XPR1: variants seen among roughly 807,000 people sequenced by gnomAD.
XPR1 encodes the protein xenotropic and polytropic retrovirus receptor 1.
In XPR1, 28 loss-of-function variants were observed where a neutral mutation model predicts 87.5. The ratio of observed to expected loss-of-function variants is 0.32; its 90% CI spans 0.24 to 0.44. XPR1 has a LOEUF of 0.44. Among genes scored for constraint, XPR1 ranks in the 20% least tolerant of loss-of-function variants. XPR1 has a pLI of 1.00. For synonymous variants in XPR1, 300 were observed against 306.1 expected, an observed-to-expected ratio of 0.98 and a Z score of 0.21; for missense variants, 559 against 862.3, an observed-to-expected ratio of 0.65 and a Z score of 4.41.
intron 2 of XPR1, among the ~76,000 whole-genome samples, chr1:180,712,699 G>A (rs1244534914): frequency 6.6e-6 from 1 of 151,910 alleles, no homozygotes; most frequent in Admixed American, 6.6e-5. Flanking sequence ...CCAGGTACTC[G>A]GGAGGCTGAG....
chr1:180,744,799 TACC>T (rs1441495131), intron 2 of XPR1, among the ~76,000 whole-genome samples: 1 of 151,846 alleles, frequency 6.6e-6, no homozygotes, highest in Non-Finnish European at 1.5e-5. Flanking sequence ...TACAGGCACA[TACC>T]ACCACACCTG....
chr1:180,656,702 T>C (rs1655545035), intron 1 of XPR1, among the ~76,000 whole-genome samples: 1 of 130,510 alleles, frequency 7.7e-6, no homozygotes, highest in African/African-American at 2.8e-5. Context: ...ATGTATTTTA[T>C]ATATATATAT....
intron 2 of XPR1, among the ~76,000 whole-genome samples, chr1:180,743,013 T>G (rs1658969201): frequency 6.6e-6 from 1 of 152,082 alleles, no homozygotes; most frequent in African/African-American, 2.4e-5. Flanking sequence ...TCACTTTATA[T>G]TATGTTTGAA....
intron 3 of XPR1, among the ~76,000 whole-genome samples, chr1:180,801,954 G>A (rs1022947525): frequency 2.0e-5 from 3 of 151,698 alleles, no homozygotes; most frequent in South Asian, 4.2e-4. Context: ...GCACCACCAC[G>A]CCCGGCTAAT....
At chr1:180,632,298 AC>A in intron 1 of XPR1, 28 bp downstream of exon 1, 2 of 1,602,618 alleles carry the variant, frequency 1.2e-6, no homozygotes, top group Non-Finnish European at 1.7e-6. Flanking sequence ...GTGTGGGAGG[AC>A]TCGGAGGGGC....
At chr1:180,745,294 G>A (rs969282575) in intron 2 of XPR1, among the ~76,000 whole-genome samples, 1 of 152,078 alleles carries the variant, frequency 6.6e-6, no homozygotes, top group Non-Finnish European at 1.5e-5. Context: ...GACTTTGCTT[G>A]TATCCAAAGC....
chr1:180,841,585 T>C (rs1651518004), intron 11 of XPR1, among the ~76,000 whole-genome samples: 1 of 152,176 alleles, frequency 6.6e-6, no homozygotes, highest in Non-Finnish European at 1.5e-5. Flanking sequence ...TTTACAGCCT[T>C]TTAAAGAGAA....
chr1:180,805,485 A>G (rs1218648957), intron 4 of XPR1, among the ~76,000 whole-genome samples: 1 of 152,184 alleles, frequency 6.6e-6, no homozygotes, highest in Non-Finnish European at 1.5e-5. Flanking sequence ...CCTCCTTTCT[A>G]CTTACTCTTC....
At chr1:180,663,843 G>A (rs1036446909) in intron 1 of XPR1, among the ~76,000 whole-genome samples, 1 of 152,228 alleles carries the variant, frequency 6.6e-6, no homozygotes, top group South Asian at 2.1e-4. Flanking sequence ...GGCTGAGCAG[G>A]CGCTGAAACC....
At chr1:180,808,710 G>A (rs1050909526) in intron 6 of XPR1, among the ~76,000 whole-genome samples, 3 of 152,040 alleles carry the variant, frequency 2.0e-5, no homozygotes, top group Non-Finnish European at 1.5e-5. Flanking sequence ...AATATCATTA[G>A]GCATTATGGA....
chr1:180,742,232 CTTAGA>C, intron 2 of XPR1, among the ~76,000 whole-genome samples: 1 of 151,892 alleles, frequency 6.6e-6, no homozygotes, highest in Non-Finnish European at 1.5e-5. Context: ...AAAGTGGAAG[CTTAGA>C]TTAGTGATTT....
intron 1 of XPR1, among the ~76,000 whole-genome samples, chr1:180,649,082 A>G (rs1334314447): frequency 6.6e-6 from 1 of 152,132 alleles, no homozygotes; most frequent in Non-Finnish European, 1.5e-5. Context: ...CTAATCCCCA[A>G]GAGCATTTTC....
chr1:180,876,893 G>T (rs1337752653), intron 13 of XPR1, among the ~76,000 whole-genome samples: 1 of 151,798 alleles, frequency 6.6e-6, no homozygotes, highest in Admixed American at 6.6e-5. Flanking sequence ...AGCGCAATGA[G>T]GAAAAAGAAC....
At chr1:180,715,335 T>C (rs749535156) in intron 2 of XPR1, among the ~76,000 whole-genome samples, 5 of 152,050 alleles carry the variant, frequency 3.3e-5, no homozygotes, top group African/African-American at 7.2e-5. Context: ...TTGGCCAGAG[T>C]AGGCAAATTT....
At chr1:180,764,534 A>G (rs941114646) in intron 2 of XPR1, among the ~76,000 whole-genome samples, 1 of 151,872 alleles carries the variant, frequency 6.6e-6, no homozygotes, top group Non-Finnish European at 1.5e-5. Context: ...CAGTAGTGCG[A>G]TCATGGCTCA....
intron 2 of XPR1, among the ~76,000 whole-genome samples, chr1:180,731,397 A>T (rs758145053): frequency 7.9e-5 from 12 of 152,216 alleles, no homozygotes; most frequent in Non-Finnish European, 1.5e-4. Context: ...CAAGGGGTTT[A>T]TATAGCAGGG....
At chr1:180,845,577 G>A (rs1353107550) in intron 11 of XPR1, among the ~76,000 whole-genome samples, 2 of 152,200 alleles carry the variant, frequency 1.3e-5, no homozygotes, top group African/African-American at 4.8e-5. Flanking sequence ...AGTGCAGTGA[G>A]TAGCTTGGTC....
At chr1:180,729,019 A>G (rs559140385) in intron 2 of XPR1, among the ~76,000 whole-genome samples, 1 of 152,042 alleles carries the variant, frequency 6.6e-6, no homozygotes, top group Non-Finnish European at 1.5e-5. Flanking sequence ...AGTAGGCCCC[A>G]GTGTTTGTTG....
intron 2 of XPR1, among the ~76,000 whole-genome samples, chr1:180,764,006 T>A (rs1393586562): frequency 6.6e-6 from 1 of 152,246 alleles, no homozygotes; most frequent in African/African-American, 2.4e-5. Flanking sequence ...AATGCATTAT[T>A]TTTCACTTTG....
Sources: gnomAD v4.1 joint callset for allele counts (sites outside exome capture counted in the v4.1 genomes callset) on GRCh38, gnomAD v4.1.1 for gene constraint, MANE v1.5 for transcripts, NCBI Gene and HGNC (gene_info 2026-07-23, HGNC 2026-07-21) for gene names.